Variants in SPEF2 observed in about 807,000 individuals in gnomAD.
The protein encoded by SPEF2 is sperm flagellar and cilia associated 2.
In SPEF2, 187 loss-of-function variants were observed where a neutral mutation model predicts 224.6. The observed-to-expected ratio is 0.83, with a 90% CI of 0.74 to 0.94. The LOEUF is 0.94. Among genes scored for constraint, SPEF2 ranks in the 40% least tolerant of loss-of-function variants. The probability of loss-of-function intolerance (pLI) is 0.00; values close to 1 mark genes in which losing one functional copy is unlikely to be tolerated. For synonymous variants in SPEF2, 715 were observed against 707.3 expected, an observed-to-expected ratio of 1.01 and a Z score of -0.17; for missense variants, 2,170 against 2,135.6, an observed-to-expected ratio of 1.02 and a Z score of -0.32.
chr5:35,785,838 T>C (rs994580248), intron 30 of SPEF2, among the ~76,000 whole-genome samples: 8 of 151,678 alleles, frequency 5.3e-5, no homozygotes, highest in Non-Finnish European at 1.2e-4. Flanking sequence ...AGTACAGCCA[T>C]GAGCTACCAT....
Position 35,708,959 on chromosome 5 carries a change from T to G in SPEF2, c.2677T>G (p.Leu893Val), listed in dbSNP as rs1390843891. ...TCATCCTTTTGAAGTTGAGAAGAAA[T>G]TAGAAGAAAAGGAAGCTGAGAAAAA... ...AKKKNKVEKK[L>V]EEKEAEKKAA... is the part of the protein sequence containing the mutation. Residue 893 changes from leucine (L) to valine (V), a missense_variant, in exon 19 of 37, where the codon TTA becomes GTA. By Grantham distance (32) the Leu-to-Val change is conservative (BLOSUM62 1). Coordinates refer to ENST00000356031, the MANE Select transcript of SPEF2 (RefSeq NM_024867.4). The G allele has an allele frequency of 6.2e-7, 1 of 1,608,818 alleles. No homozygotes were observed. The highest frequency in any genetic ancestry group is 1.7e-5 in the Admixed American group (1 of 58,310).
In SPEF2 at chr5:35,641,520, GCAT is replaced by G. The variant is rs779283774; in HGVS notation, c.257_259del (p.Ile86del). ...CAGTTTGATCAGAATGTGGCCCATG[GCAT>G]CATCACAGAAAAGCCTGGGGTGGCA... On this transcript the variant is annotated inframe_deletion, in exon 3 of 37. Transcript: ENST00000356031. 6.2e-7 allele frequency: 1 copy of G among 1,613,780 alleles called. No individual in the cohort carries two copies. The highest frequency in any genetic ancestry group is 1.1e-5 in the South Asian group (1 of 91,072).
chr5:35,802,007 A>G (rs186005021), intron 34 of SPEF2, among the ~76,000 whole-genome samples: 64 of 152,362 alleles, frequency 4.2e-4, no homozygotes, highest in Non-Finnish European at 7.1e-4. Flanking sequence ...AAAGAAGCCA[A>G]ACTTGCTCTC....
chr5:35,725,382 AT>A (rs1561265890), intron 20 of SPEF2, among the ~76,000 whole-genome samples: 1 of 152,172 alleles, frequency 6.6e-6, no homozygotes, highest in Non-Finnish European at 1.5e-5. Flanking sequence ...TAGAGGATAT[AT>A]TTTGCAACAG....
intron 6 of SPEF2, 109 bp from the exon 7 acceptor site, chr5:35,654,431 A>G (rs930265379): frequency 1.8e-5 from 15 of 813,828 alleles, no homozygotes; most frequent in Non-Finnish European, 2.5e-5. Flanking sequence ...TAATAAATTA[A>G]CAGTGAACTC....
intron 10 of SPEF2, among the ~76,000 whole-genome samples, chr5:35,686,550 G>A (rs1753653859): frequency 6.6e-6 from 1 of 151,902 alleles, no homozygotes; most frequent in Non-Finnish European, 1.5e-5. Flanking sequence ...TACTTTTATT[G>A]TTATGACAGA....
rs993097079 is a variant in SPEF2, at chr5:35,617,931, G to C, written c.-67G>C. On this transcript the variant is annotated 5_prime_UTR_variant, in exon 1 of 37. Coordinates refer to ENST00000356031, the MANE Select transcript of SPEF2 (RefSeq NM_024867.4). ...TTGCCCTTGGCTACAGGAGGACGCG[G>C]GCTGGCAGGCTTGGTTCCTGGCGAG... 6.7e-7 allele frequency: 1 copy of C among 1,496,160 alleles called. No homozygotes were observed. 92.7% of individuals were successfully genotyped at this position (1,496,160 alleles called of 1,614,324 possible).
At chr5:35,687,257 A>G (rs1176475834) in intron 10 of SPEF2, among the ~76,000 whole-genome samples, 3 of 152,198 alleles carry the variant, frequency 2.0e-5, no homozygotes, top group African/African-American at 7.2e-5. Flanking sequence ...ACCTTATTAC[A>G]TACGAAACTT....
intron 2 of SPEF2, among the ~76,000 whole-genome samples, chr5:35,630,897 A>T (rs1057080748): frequency 2.6e-5 from 4 of 152,178 alleles, no homozygotes; most frequent in African/African-American, 4.8e-5. Flanking sequence ...AACACTTATA[A>T]CTCAATAGTA....
intron 30 of SPEF2, chr5:35,788,536 C>T: frequency 4.3e-6 from 3 of 702,474 alleles, no homozygotes; most frequent in East Asian, 5.4e-5. Flanking sequence ...GAAAGGTGCA[C>T]TGTCAAATTG....
At chr5:35,643,559 A>T in intron 3 of SPEF2, 1 of 456,026 alleles carries the variant, frequency 2.2e-6, no homozygotes, top group Non-Finnish European at 4.4e-6. Flanking sequence ...AGAGATGAAA[A>T]TGGTACAAGG....
chr5:35,685,040 T>C (rs904149047), intron 10 of SPEF2, among the ~76,000 whole-genome samples: 1 of 152,202 alleles, frequency 6.6e-6, no homozygotes, highest in Non-Finnish European at 1.5e-5. Flanking sequence ...GTGCAACCAA[T>C]AATTTTGCAG....
chr5:35,774,113 C>A (rs949740293), intron 28 of SPEF2, 92 bp downstream of exon 28: 5 of 1,485,562 alleles, frequency 3.4e-6, no homozygotes, highest in Non-Finnish European at 3.6e-6. Context: ...TGCCTCAGAC[C>A]ATGTCTATGA....
At chr5:35,761,021 T>A (rs984709373) in intron 25 of SPEF2, among the ~76,000 whole-genome samples, 2 of 152,012 alleles carry the variant, frequency 1.3e-5, no homozygotes, top group African/African-American at 4.8e-5. Flanking sequence ...AAGTCAAGTT[T>A]AAAAAAATAA....
At position 35,630,259 on chromosome 5, in the gene SPEF2, G is replaced by A. The variant is rs192944374; in HGVS notation, c.161+1697G>A. Among the ~76,000 whole-genome samples the A allele has an allele frequency of 6.6e-5, 10 of 152,258 alleles. No individual in the cohort carries two copies. In the East Asian group the frequency reaches 1.7e-3, roughly 26 times the overall value. On this transcript the variant is annotated intron_variant, in intron 2 of 36. Transcript: ENST00000356031. ...TGGATCTACCATTCTGGTTTCTGGA[G>A]GACGGTTGCCCTCTTCTCATAGCTC...
At chr5:35,775,370 G>A (rs1030061951) in intron 28 of SPEF2, among the ~76,000 whole-genome samples, 3 of 152,146 alleles carry the variant, frequency 2.0e-5, no homozygotes, top group African/African-American at 7.2e-5. Context: ...CTATGGATAA[G>A]TTTTTCCAGG....
chr5:35,658,984 G>A (rs755662499), intron 7 of SPEF2, 35 bp from the exon 8 acceptor site: 16 of 1,462,612 alleles, frequency 1.1e-5, no homozygotes, highest in African/African-American at 5.7e-5. Context: ...AAATTTGGAC[G>A]TCACTTTAAC....
chr5:35,628,119 T>G (rs1744525348), intron 1 of SPEF2, among the ~76,000 whole-genome samples: 1 of 152,336 alleles, frequency 6.6e-6, no homozygotes. Context: ...TATTAGAGTA[T>G]GATTTTATAA....
At chr5:35,762,555 A>G (rs1751457545) in intron 25 of SPEF2, among the ~76,000 whole-genome samples, 2 of 152,148 alleles carry the variant, frequency 1.3e-5, no homozygotes, top group African/African-American at 4.8e-5. Context: ...TTTCTGAATC[A>G]CTGCTCTCTT....
Sources: allele counts gnomAD v4.1 joint callset (sites outside exome capture counted in the v4.1 genomes callset), GRCh38; gene constraint gnomAD v4.1.1; transcripts MANE v1.5; gene names NCBI Gene and HGNC (gene_info 2026-07-23, HGNC 2026-07-21).